ZNF41: variants seen among roughly 807,000 people sequenced by gnomAD.
ZNF41 encodes the protein zinc finger protein 41.
In ZNF41, 6 loss-of-function variants were observed where a neutral mutation model predicts 9.3. That is an observed-to-expected ratio of 0.65 (90% CI 0.35 to 1.28). ZNF41 has a LOEUF of 1.28. Among genes scored for constraint, ZNF41 ranks in the 50% most tolerant of loss-of-function variants. ZNF41 has a pLI of 0.03. For synonymous variants in ZNF41, 192 were observed against 207.1 expected (o/e 0.93, Z 0.63); for missense variants, 523 against 585.8 (o/e 0.89, Z 1.11).
At position 47,446,858 on chromosome X, in the gene ZNF41, CATGGAAATCTTTTCT is replaced by C. The variant is rs1338117050; in HGVS notation, c.*557_*571del. On this transcript the variant is annotated 3_prime_UTR_variant, in exon 5 of 5. Coordinates refer to ENST00000684689, the MANE Select transcript of ZNF41 (RefSeq NM_001324144.2). The stretch of plus-strand genomic sequence containing the variant: ...CCCAAGGGAAAAGAAAAAAGTTTTT[CATGGAAATCTTTTCT>C]ATGTCTTAAGTGCCAATGATCACAA... 8.9e-6 allele frequency: 1 copy of C among 112,415 alleles called. No homozygotes were observed. The highest frequency in any genetic ancestry group is 2.8e-4 in the East Asian group (1 of 3,565). 9.3% of individuals were successfully genotyped at this position (112,415 alleles called of 1,213,427 possible). A position where few individuals can be genotyped will look rare whatever the true frequency, so the allele number is the denominator to read the frequency against.
At chrX:47,468,118 T>G (rs1421263704) in intron 1 of ZNF41, among the ~76,000 whole-genome samples, 1 of 111,594 alleles carries the variant, frequency 9.0e-6, no homozygotes. Context: ...TTACTATTAT[T>G]ACTAATCCCA....
chrX:47,447,851 C>T lies in ZNF41; in HGVS notation c.1919G>A (p.Cys640Tyr). 1.7e-6 allele frequency: 2 copies of T among 1,211,676 alleles called. No individual in the cohort carries two copies. The highest frequency in any genetic ancestry group is 2.2e-6 in the Non-Finnish European group (2 of 895,479). Residue 640 changes from cysteine (C) to tyrosine (Y), a missense_variant, in exon 5 of 5, where the codon TGT (cysteine) becomes TAT (tyrosine). Coordinates refer to ENST00000684689, the MANE Select transcript of ZNF41 (RefSeq NM_001324144.2). ...TGACTTCTTAGTGAAGCATTTCCCA[C>T]AGTCGCTGCATTCATAAGGCTTCTC... is the stretch of plus-strand genomic sequence containing the variant. ...TGEKPYECSD[C>Y]GKCFTKKSQL...
chrX:47,469,534 T>C (rs7881172), intron 1 of ZNF41, among the ~76,000 whole-genome samples: 166 of 110,735 alleles, frequency 1.5e-3, no homozygotes, highest in African/African-American at 5.2e-3. Context: ...AAAAACAATG[T>C]AATTGGGCAT....
intron 1 of ZNF41, among the ~76,000 whole-genome samples, chrX:47,470,335 C>T (rs2057146965): frequency 9.4e-6 from 1 of 105,857 alleles, no homozygotes; most frequent in African/African-American, 3.5e-5. Context: ...TTGCTTGAAC[C>T]CAGGAGGCGG....
chrX:47,476,412 A>C (rs749083160), intron 1 of ZNF41, among the ~76,000 whole-genome samples: 1 of 112,081 alleles, frequency 8.9e-6, no homozygotes, highest in African/African-American at 3.2e-5. Context: ...AAATACATGC[A>C]AATCGCATAT....
rs1203079996 is a variant in ZNF41, at chrX:47,445,533, T to C, written c.*1897A>G. 8.9e-6 allele frequency among the ~76,000 whole-genome samples: 1 copy of C among 112,494 alleles called. No individual in the cohort carries two copies. Among genetic ancestry groups the C allele is most frequent in the Non-Finnish European group, 1.9e-5 (1 of 53,321 alleles). On this transcript the variant is annotated 3_prime_UTR_variant, in exon 5 of 5. Transcript: ENST00000684689. ...GGAAAATGCCAAATGTTGGCAAGTA[T>C]GTGGAGCACTAGAACTCGCATACTG...
chrX:47,469,310 CAAAAAAAAAAAAAAAAAA>C (rs749426044), intron 1 of ZNF41, among the ~76,000 whole-genome samples: 1 of 35,943 alleles, frequency 2.8e-5, no homozygotes, highest in Non-Finnish European at 4.8e-5. Flanking sequence ...GACTCCGTCT[CAAAAAAAAAAAAAAAAAA>C]AAAAAAAAAA....
Position 47,449,273 on chromosome X carries a change from C to A in ZNF41, c.497G>T (p.Gly166Val), listed in dbSNP as rs1382741113. Residue 166 changes from glycine to valine, a missense_variant, in exon 5 of 5, where the codon GGC (glycine) becomes GTC (valine). Gly to Val is a moderately radical substitution (Grantham distance 109). Transcript: ENST00000684689. ...SHVKVLIKER[G>V]YEHKNIEKII... ...TTTTTCAATGTTTTTATGTTCATAG[C>A]CCCTCTCCTTAATCAATACTTTCAC... is the stretch of plus-strand genomic sequence containing the variant. 3.3e-6 allele frequency: 4 copies of A among 1,209,090 alleles called. No homozygotes were observed. Among genetic ancestry groups the A allele is most frequent in the Non-Finnish European group, 4.5e-6 (4 of 894,885 alleles).
chrX:47,481,225 G>C (rs2057464108), intron 1 of ZNF41, among the ~76,000 whole-genome samples: 1 of 111,360 alleles, frequency 9.0e-6, no homozygotes, highest in African/African-American at 3.3e-5. Context: ...AGGATTGCTT[G>C]AGGCCAAGGA....
intron 1 of ZNF41, among the ~76,000 whole-genome samples, chrX:47,479,624 A>G (rs1471332472): frequency 3.6e-5 from 4 of 110,638 alleles, no homozygotes; most frequent in Non-Finnish European, 7.6e-5. Flanking sequence ...ATAAAAATAG[A>G]TTTTCCCTAT....
chrX:47,463,058 TCAAA>T (rs776009223), intron 2 of ZNF41, among the ~76,000 whole-genome samples: 62 of 110,153 alleles, frequency 5.6e-4, no homozygotes, highest in Middle Eastern at 4.7e-3. Flanking sequence ...AGGCTGGTCT[TCAAA>T]CAATCCTCCC....
At chrX:47,452,885 C>A (rs772860665) in intron 4 of ZNF41, among the ~76,000 whole-genome samples, 1 of 111,795 alleles carries the variant, frequency 8.9e-6, no homozygotes, top group Admixed American at 9.5e-5. Flanking sequence ...AGCCACCACG[C>A]CTGGCTGCAA....
In ZNF41 at chrX:47,448,256, G is replaced by C; in HGVS notation, c.1514C>G (p.Thr505Ser). Residue 505 changes from threonine (T) to serine (S), a missense_variant, in exon 5 of 5, where the codon ACT becomes AGT. Coordinates refer to ENST00000684689, the MANE Select transcript of ZNF41 (RefSeq NM_001324144.2). ...ATGTGTGGTGAGGTTTGTCCTGTGA[G>C]TGAAGACCTTTCCACATTCTGTACA... Reference protein sequence around the residue: ...YICTECGKVFTHRTNLTTHQK... With the variant: ...YICTECGKVFSHRTNLTTHQK... 8.3e-7 allele frequency: 1 copy of C among 1,211,581 alleles called. No homozygotes were observed. The highest frequency in any genetic ancestry group is 1.8e-5 in the South Asian group (1 of 56,988).
At chrX:47,479,163 G>A (rs1350671549) in intron 1 of ZNF41, among the ~76,000 whole-genome samples, 13 of 110,644 alleles carry the variant, frequency 1.2e-4, no homozygotes, top group Non-Finnish European at 2.3e-4. Flanking sequence ...CAGTGAATAT[G>A]CTAAGAACTG....
In ZNF41 at chrX:47,457,538, G is replaced by C. The variant is rs139675014; in HGVS notation, c.73-1140C>G. ...GGACTTAAGGCAGTGGTTGTCATGG[G>C]CAAGTAAAAGAAGGTGTTGGCTGGG... On this transcript the variant is annotated intron_variant, in intron 2 of 4. Coordinates refer to ENST00000684689, the MANE Select transcript of ZNF41 (RefSeq NM_001324144.2). 7.3e-3 allele frequency among the ~76,000 whole-genome samples: 820 copies of C among 111,609 alleles called. 4 individuals are homozygous for C. The highest frequency in any genetic ancestry group is 0.011 in the South Asian group (30 of 2,720).
intron 2 of ZNF41, among the ~76,000 whole-genome samples, chrX:47,464,491 C>A (rs1378691185): frequency 9.0e-6 from 1 of 111,565 alleles, no homozygotes; most frequent in Non-Finnish European, 1.9e-5. Context: ...TCTGCCTATA[C>A]CCCGCTCCCT....
At chrX:47,461,143 G>C (rs1262004468) in intron 2 of ZNF41, among the ~76,000 whole-genome samples, 66 of 105,457 alleles carry the variant, frequency 6.3e-4, no homozygotes, top group Non-Finnish European at 1.2e-3. Context: ...TGTCGCCCAG[G>C]CTGGAGTGCA....
At chrX:47,461,246 C>T (rs1304045212) in intron 2 of ZNF41, among the ~76,000 whole-genome samples, 5 of 101,434 alleles carry the variant, frequency 4.9e-5, no homozygotes, top group Non-Finnish European at 8.0e-5. Flanking sequence ...TACAGGCACC[C>T]ACCATCACGC....
At chrX:47,451,473 G>C (rs2056363014) in intron 4 of ZNF41, among the ~76,000 whole-genome samples, 1 of 112,131 alleles carries the variant, frequency 8.9e-6, no homozygotes, top group Non-Finnish European at 1.9e-5. Flanking sequence ...TCCCATGCAG[G>C]CTGGGTGCGG....
Sources: allele counts gnomAD v4.1 joint callset (sites outside exome capture counted in the v4.1 genomes callset), GRCh38; gene constraint gnomAD v4.1.1; transcripts MANE v1.5; gene names NCBI Gene and HGNC (gene_info 2026-07-23, HGNC 2026-07-21).